The following TXNRD1 variants were observed in gnomAD, a reference collection of about 807,000 sequenced individuals.
TXNRD1 encodes the protein thioredoxin reductase 1.
In TXNRD1, 57 loss-of-function variants were observed where a neutral mutation model predicts 80.3. That is an observed-to-expected ratio of 0.71 (90% CI 0.57 to 0.89). The LOEUF is 0.89. Among genes scored for constraint, TXNRD1 ranks in the 40% least tolerant of loss-of-function variants. TXNRD1 has a pLI of 0.00. For missense variants in TXNRD1, 730 were observed against 803.0 expected, an observed-to-expected ratio of 0.91 and a Z score of 1.10; for synonymous variants, 291 against 285.2, an observed-to-expected ratio of 1.02 and a Z score of -0.20.
intron 1 of TXNRD1, among the ~76,000 whole-genome samples, chr12:104,227,306 G>A (rs149697612): frequency 4.0e-4 from 61 of 151,882 alleles, no homozygotes; most frequent in Admixed American, 1.5e-3. Context: ...CTGTCACCCA[G>A]GCTCAAGTGC....
chr12:104,267,284 C>CTTTCTTTCTTTCTTTCTTTCA, intron 3 of TXNRD1, among the ~76,000 whole-genome samples: 1 of 9,230 alleles, frequency 1.1e-4, no homozygotes, highest in South Asian at 4.0e-3. Flanking sequence ...TCTTTCTTTC[C>CTTTCTTTCTTTCTTTCTTTCA]TCTTTCTGTC....
intron 3 of TXNRD1, among the ~76,000 whole-genome samples, chr12:104,262,800 C>T (rs1374296907): frequency 3.3e-5 from 5 of 151,396 alleles, no homozygotes; most frequent in Admixed American, 3.3e-4. Flanking sequence ...TTTTTTTTCC[C>T]AGCAAATTCC....
chr12:104,267,750 TCCTTCCTC>T (rs1270486115), intron 3 of TXNRD1, among the ~76,000 whole-genome samples: 2 of 148,474 alleles, frequency 1.3e-5, no homozygotes, highest in African/African-American at 5.0e-5. Context: ...CTTCCTTCCT[TCCTTCCTC>T]CCTCCCTTCC....
intron 1 of TXNRD1, among the ~76,000 whole-genome samples, chr12:104,235,053 C>T (rs11111940): frequency 0.67 from 102,057 of 152,032 alleles, 34,681 homozygotes; most frequent in South Asian, 0.76. Context: ...GATATAAGAG[C>T]TCGGAGTCGC....
chr12:104,311,282 T>A lies in TXNRD1; in HGVS notation c.415-8T>A. 6.3e-7 allele frequency: 1 copy of A among 1,575,194 alleles called. No homozygotes were observed. Among genetic ancestry groups the A allele is most frequent in the East Asian group, 2.3e-5 (1 of 44,042 alleles). On this transcript the variant is annotated splice_region_variant and splice_polypyrimidine_tract_variant and intron_variant, in intron 4 of 16. Coordinates refer to ENST00000525566, the MANE Select transcript of TXNRD1 (RefSeq NM_001093771.3). ...TAAATTATTTTCTCTTCTGTTATTTTTCTTTAGGCTTATCAGGAGGGCAGA... is the reference window on the plus strand; with the variant it reads ...TAAATTATTTTCTCTTCTGTTATTTATCTTTAGGCTTATCAGGAGGGCAGA...
chr12:104,233,390 A>G (rs2032665306), intron 1 of TXNRD1, among the ~76,000 whole-genome samples: 1 of 152,248 alleles, frequency 6.6e-6, no homozygotes, highest in Non-Finnish European at 1.5e-5. Flanking sequence ...ACAAAGAAAA[A>G]TGGATTTTTA....
chr12:104,224,209 G>A (rs1032320428), intron 1 of TXNRD1, among the ~76,000 whole-genome samples: 3 of 151,958 alleles, frequency 2.0e-5, no homozygotes, highest in Non-Finnish European at 4.4e-5. Flanking sequence ...CTCTTTGCTG[G>A]GCAAACTCTC....
chr12:104,309,948 CAGGT>C, intron 4 of TXNRD1: 2 of 1,536,096 alleles, frequency 1.3e-6, no homozygotes, highest in South Asian at 1.2e-5. Flanking sequence ...ATGCTGCCAA[CAGGT>C]AGCCACAGTG....
chr12:104,304,125 A>C (rs778177137), intron 4 of TXNRD1: 1 of 1,613,706 alleles, frequency 6.2e-7, no homozygotes, highest in South Asian at 1.1e-5. Context: ...TCGGCGAACA[A>C]CTCCTTAACC....
intron 3 of TXNRD1, among the ~76,000 whole-genome samples, chr12:104,271,775 G>T (rs1446536848): frequency 6.6e-6 from 1 of 151,818 alleles, no homozygotes; most frequent in Non-Finnish European, 1.5e-5. Flanking sequence ...GTTTAGCTTG[G>T]GCTCAGAGGC....
At chr12:104,339,637 CT>C (rs1458746256) in intron 16 of TXNRD1, among the ~76,000 whole-genome samples, 1 of 152,158 alleles carries the variant, frequency 6.6e-6, no homozygotes, top group Admixed American at 6.5e-5. Flanking sequence ...GCCTCTTCAG[CT>C]TATGGTATCA....
intron 1 of TXNRD1, among the ~76,000 whole-genome samples, chr12:104,239,953 T>G (rs1015880051): frequency 2.0e-5 from 3 of 152,214 alleles, no homozygotes; most frequent in African/African-American, 7.2e-5. Context: ...TGGAATATTA[T>G]TATTCCTTTT....
rs559691183 is a variant in TXNRD1, at chr12:104,286,356, T to TA, written c.305-2567dup. Among the ~76,000 whole-genome samples, 47 of 151,988 alleles carry TA rather than the reference T, an allele frequency of 3.1e-4. 1 individual carries two copies. Among genetic ancestry groups the TA allele is most frequent in the South Asian group, 1.7e-3 (8 of 4,798 alleles). On this transcript the variant is annotated intron_variant, in intron 3 of 16. Coordinates refer to ENST00000525566, the MANE Select transcript of TXNRD1 (RefSeq NM_001093771.3). ...GTTAAAAGACACTCTGAGTTTTTCT[T>TA]AAAAAAAACAATAAATACCAAACTT...
At chr12:104,271,604 G>A (rs1341368481) in intron 3 of TXNRD1, among the ~76,000 whole-genome samples, 1 of 152,160 alleles carries the variant, frequency 6.6e-6, no homozygotes, top group Non-Finnish European at 1.5e-5. Flanking sequence ...ACCTTCTTAA[G>A]GGTCAGGGAG....
In TXNRD1 at chr12:104,298,611, C is replaced by G. The variant is rs567801810; in HGVS notation, c.414+9571C>G. 3.9e-5 allele frequency among the ~76,000 whole-genome samples: 6 copies of G among 152,228 alleles called. No homozygotes were observed. The South Asian group carries it at 1.2e-3, about 32-fold the overall frequency. Reference sequence around the variant, plus strand: ...CGGTGGCACACACGTGTAATCCCAGCTACTCGGGAGGCTGAGTCAGGAGAA... The same window carrying G: ...CGGTGGCACACACGTGTAATCCCAGGTACTCGGGAGGCTGAGTCAGGAGAA... On this transcript the variant is annotated intron_variant, in intron 4 of 16. Coordinates refer to ENST00000525566, the MANE Select transcript of TXNRD1 (RefSeq NM_001093771.3).
chr12:104,260,931 G>A (rs2033353659), intron 3 of TXNRD1, among the ~76,000 whole-genome samples: 1 of 152,150 alleles, frequency 6.6e-6, no homozygotes, highest in African/African-American at 2.4e-5. Flanking sequence ...AAGTGCTTGG[G>A]GAGCATGATT....
chr12:104,277,190 G>T (rs992964545), intron 3 of TXNRD1, among the ~76,000 whole-genome samples: 2 of 149,238 alleles, frequency 1.3e-5, no homozygotes, highest in African/African-American at 5.0e-5. Context: ...GGGAGATCAA[G>T]ACCATCCTGG....
At chr12:104,229,632 G>C (rs914087135) in intron 1 of TXNRD1, among the ~76,000 whole-genome samples, 1 of 131,652 alleles carries the variant, frequency 7.6e-6, no homozygotes, top group Admixed American at 7.7e-5. Context: ...TCACCCTGTC[G>C]CCCAGGCTGG....
intron 1 of TXNRD1, among the ~76,000 whole-genome samples, chr12:104,237,019 A>C (rs945364170): frequency 2.6e-5 from 4 of 151,966 alleles, no homozygotes; most frequent in Admixed American, 1.3e-4. Context: ...CAGAGGAGGC[A>C]TCACAGACTC....
Sources: allele counts gnomAD v4.1 joint callset (sites outside exome capture counted in the v4.1 genomes callset), GRCh38; gene constraint gnomAD v4.1.1; transcripts MANE v1.5; gene names NCBI Gene and HGNC (gene_info 2026-07-23, HGNC 2026-07-21).